The following MGAT4C variants were observed in gnomAD, a reference collection of about 807,000 sequenced individuals.
MGAT4C encodes alpha-1,3-mannosyl-glycoprotein 4-beta-N-acetylglucosaminyltransferase C.
A neutral mutation model predicts 40.1 loss-of-function variants in MGAT4C; 19 were observed. The ratio of observed to expected loss-of-function variants is 0.47; its 90% CI spans 0.33 to 0.70. The LOEUF is 0.70. Ranked by LOEUF, MGAT4C falls within the 30% of genes least tolerant of loss-of-function variation. The pLI, the probability that MGAT4C is intolerant of heterozygous loss-of-function variation, is 0.02. For synonymous variants in MGAT4C, 181 were observed against 187.1 expected (o/e 0.97, Z 0.27); for missense variants, 491 against 563.2 (o/e 0.87, Z 1.30).
chr12:86,651,131 A>G (rs1182924219), intron 2 of MGAT4C, among the ~76,000 whole-genome samples: 1 of 151,912 alleles, frequency 6.6e-6, no homozygotes, highest in Non-Finnish European at 1.5e-5. Flanking sequence ...ATGTAATAAG[A>G]TACGTTAAAT....
intron 2 of MGAT4C, among the ~76,000 whole-genome samples, chr12:86,457,569 T>C (rs1015616509): frequency 2.0e-5 from 3 of 152,124 alleles, no homozygotes; most frequent in Non-Finnish European, 2.9e-5. Flanking sequence ...AGAATATATA[T>C]GCTGGAGACT....
At chr12:86,545,736 A>C (rs1443918979) in intron 2 of MGAT4C, among the ~76,000 whole-genome samples, 1 of 151,762 alleles carries the variant, frequency 6.6e-6, no homozygotes, top group Non-Finnish European at 1.5e-5. Flanking sequence ...ATGAACTTTA[A>C]CTCTCGGCTT....
chr12:86,478,339 A>G (rs980245824), intron 2 of MGAT4C, among the ~76,000 whole-genome samples: 1 of 152,184 alleles, frequency 6.6e-6, no homozygotes, highest in Non-Finnish European at 1.5e-5. Context: ...TAGACACAAT[A>G]GTATGTAGTC....
chr12:86,144,623 C>T (rs766316090), intron 1 of MGAT4C, among the ~76,000 whole-genome samples: 6 of 152,114 alleles, frequency 3.9e-5, no homozygotes, highest in Non-Finnish European at 5.9e-5. Context: ...TTATCAGGAT[C>T]TCAGTATTAT....
intron 1 of MGAT4C, among the ~76,000 whole-genome samples, chr12:86,765,196 G>A (rs1432129433): frequency 1.3e-5 from 2 of 152,184 alleles, no homozygotes. Context: ...TGAAAGCCAA[G>A]GCTCGAGAAC....
At chr12:86,757,039 A>G (rs1951317676) in intron 1 of MGAT4C, among the ~76,000 whole-genome samples, 1 of 152,188 alleles carries the variant, frequency 6.6e-6, no homozygotes, top group Non-Finnish European at 1.5e-5. Context: ...ACAGCCATAA[A>G]AAACTGATGA....
chr12:86,618,049 A>G (rs938135382), intron 2 of MGAT4C, among the ~76,000 whole-genome samples: 1 of 152,214 alleles, frequency 6.6e-6, no homozygotes, highest in African/African-American at 2.4e-5. Flanking sequence ...AAAGGAATAC[A>G]TACAAGTGGT....
intron 1 of MGAT4C, among the ~76,000 whole-genome samples, chr12:86,125,245 C>A (rs1043956583): frequency 1.3e-4 from 20 of 152,168 alleles, no homozygotes; most frequent in African/African-American, 4.8e-4. Context: ...GAGATCATAT[C>A]AAGCAGGGAT....
chr12:86,625,620 G>T (rs1962779590), intron 2 of MGAT4C, among the ~76,000 whole-genome samples: 1 of 151,956 alleles, frequency 6.6e-6, no homozygotes, highest in Admixed American at 6.6e-5. Context: ...GAGACCTCTG[G>T]GGCACTGGAA....
chr12:86,182,930 T>C (rs1289348033), intron 1 of MGAT4C, among the ~76,000 whole-genome samples: 1 of 152,188 alleles, frequency 6.6e-6, no homozygotes, highest in Non-Finnish European at 1.5e-5. Flanking sequence ...CCCAGCACTA[T>C]ATATCTATAC....
At chr12:86,758,398 A>G (rs2136149149) in intron 1 of MGAT4C, among the ~76,000 whole-genome samples, 1 of 140,252 alleles carries the variant, frequency 7.1e-6, no homozygotes, top group African/African-American at 2.7e-5. Context: ...TTTAAAAAAA[A>G]GAAACTAACA....
At chr12:86,601,607 A>G (rs990744055) in intron 2 of MGAT4C, among the ~76,000 whole-genome samples, 2 of 152,184 alleles carry the variant, frequency 1.3e-5, no homozygotes, top group Admixed American at 1.3e-4. Context: ...CCAGGAACTC[A>G]GGACCCCCAG....
rs929229981 is a variant in MGAT4C at position 85,965,127 on chromosome 12, A to G, written c.*14162T>C. ...GTGTTGAATATTTATTTATTTGTTT[A>G]TTTTTATTATACTTTAAGTTTTAGG... On this transcript the variant is annotated 3_prime_UTR_variant, in exon 5 of 5. Transcript: ENST00000611864. The G allele has an allele frequency of 6.6e-6, 1 of 151,980 alleles. No homozygotes were observed. Among genetic ancestry groups the G allele is most frequent in the African/African-American group, 2.4e-5 (1 of 41,348 alleles). The allele number at this position is 151,980 out of a possible 1,614,324, so 9.4% of individuals were successfully genotyped here. A position where few individuals can be genotyped will look rare whatever the true frequency, so the allele number is the denominator to read the frequency against.
chr12:86,380,502 G>A lies in MGAT4C; in HGVS notation c.-119-46375C>T, dbSNP rs140101688. On this transcript the variant is annotated intron_variant, in intron 3 of 7. Transcript: ENST00000548651. ...ATAAATTAATGATTATGATGACTTC[G>A]TTTGGTAGAAAGTAAACCAGACAAG... Among the ~76,000 whole-genome samples, 29 of 152,216 alleles carry A rather than the reference G, an allele frequency of 1.9e-4. No individual in the cohort carries two copies. In the East Asian group the frequency reaches 3.3e-3, roughly 17 times the overall value.
intron 1 of MGAT4C, among the ~76,000 whole-genome samples, chr12:86,774,415 CTCTCTCTT>C (rs1287455878): frequency 2.0e-5 from 3 of 148,958 alleles, no homozygotes; most frequent in African/African-American, 7.4e-5. Context: ...CTCTCTCTCT[CTCTCTCTT>C]TCTTTCTTTC....
At chr12:86,361,893 G>C (rs1446373890) in intron 3 of MGAT4C, among the ~76,000 whole-genome samples, 1 of 152,220 alleles carries the variant, frequency 6.6e-6, no homozygotes, top group Non-Finnish European at 1.5e-5. Flanking sequence ...TGGTGGGACT[G>C]TAAACTAGTT....
At chr12:86,102,615 C>T (rs1020748128) in intron 1 of MGAT4C, among the ~76,000 whole-genome samples, 1 of 151,948 alleles carries the variant, frequency 6.6e-6, no homozygotes, top group Admixed American at 6.6e-5. Flanking sequence ...GGTTTAATAG[C>T]TGAAAAGAGA....
At chr12:86,375,437 G>A (rs951115110) in intron 3 of MGAT4C, among the ~76,000 whole-genome samples, 2 of 151,782 alleles carry the variant, frequency 1.3e-5, no homozygotes, top group Non-Finnish European at 2.9e-5. Context: ...ACTAATATTA[G>A]GTTTATTGTA....
intron 2 of MGAT4C, among the ~76,000 whole-genome samples, chr12:86,521,158 A>G (rs974368099): frequency 2.6e-5 from 4 of 151,954 alleles, no homozygotes; most frequent in Non-Finnish European, 5.9e-5. Flanking sequence ...CCTGTGCCCA[A>G]AATGGTATTG....
Sources: allele counts gnomAD v4.1 joint callset (sites outside exome capture counted in the v4.1 genomes callset), GRCh38; gene constraint gnomAD v4.1.1; transcripts MANE v1.5; gene names NCBI Gene and HGNC (gene_info 2026-07-23, HGNC 2026-07-21).